Variants in ANO6 observed in about 807,000 individuals in gnomAD.
ANO6 encodes the protein anoctamin 6.
A neutral mutation model predicts 117.5 loss-of-function variants in ANO6; 106 were observed. The observed-to-expected ratio is 0.90, with a 90% CI of 0.77 to 1.06. ANO6 has a LOEUF of 1.06. Ranked by LOEUF, ANO6 falls within the 50% of genes least tolerant of loss-of-function variation. ANO6 has a pLI of 0.00. For missense variants in ANO6, 955 were observed against 1,121.1 expected (o/e 0.85, Z 2.12); for synonymous variants, 367 against 385.1 (o/e 0.95, Z 0.55).
intron 10 of ANO6, among the ~76,000 whole-genome samples, chr12:45,384,655 G>A (rs989795830): frequency 1.3e-5 from 2 of 152,120 alleles, no homozygotes; most frequent in Admixed American, 6.6e-5. Flanking sequence ...TAATTTTGCT[G>A]TCTTACATAG....
intron 8 of ANO6, among the ~76,000 whole-genome samples, chr12:45,364,738 T>C (rs529683291): frequency 6.6e-6 from 1 of 152,220 alleles, no homozygotes; most frequent in African/African-American, 2.4e-5. Context: ...CTGCTAAATA[T>C]AAAAAGACTT....
chr12:45,293,049 A>G (rs1191974872), intron 1 of ANO6: 2 of 1,427,152 alleles, frequency 1.4e-6, no homozygotes, highest in African/African-American at 2.9e-5. Flanking sequence ...TTTGGTCTTG[A>G]AGGGACACTG....
chr12:45,390,085 A>G (rs1486220997), intron 11 of ANO6, among the ~76,000 whole-genome samples: 1 of 152,360 alleles, frequency 6.6e-6, no homozygotes, highest in African/African-American at 2.4e-5. Context: ...GCTCTGCGCT[A>G]TCATCACAGC....
intron 8 of ANO6, among the ~76,000 whole-genome samples, chr12:45,367,405 T>G (rs1490351035): frequency 1.3e-4 from 20 of 152,206 alleles, no homozygotes; most frequent in Non-Finnish European, 2.5e-4. Context: ...TGTGGCCTTA[T>G]TTTACTTGAC....
At chr12:45,239,280 T>C (rs1176927497) in intron 1 of ANO6, among the ~76,000 whole-genome samples, 2 of 152,244 alleles carry the variant, frequency 1.3e-5, no homozygotes, top group African/African-American at 4.8e-5. Context: ...AAGTTGTATG[T>C]GTCCAGGAAT....
At chr12:45,225,735 C>T (rs1164957179) in intron 1 of ANO6, among the ~76,000 whole-genome samples, 6 of 152,128 alleles carry the variant, frequency 3.9e-5, no homozygotes, top group Non-Finnish European at 5.9e-5. Flanking sequence ...GTTATCCTCC[C>T]GCCTCGGCCT....
intron 1 of ANO6, among the ~76,000 whole-genome samples, chr12:45,237,012 C>A (rs141643698): frequency 9.9e-5 from 15 of 152,276 alleles, no homozygotes; most frequent in African/African-American, 3.4e-4. Context: ...TTTCTGTTGG[C>A]TGCATAAATG....
At chr12:45,280,235 A>T (rs551258109) in intron 1 of ANO6, among the ~76,000 whole-genome samples, 2 of 152,240 alleles carry the variant, frequency 1.3e-5, no homozygotes, top group South Asian at 4.2e-4. Context: ...CTCTTTTCTA[A>T]GTTGCTGCTT....
At chr12:45,402,517 G>A (rs181423085) in intron 13 of ANO6, among the ~76,000 whole-genome samples, 121 of 152,298 alleles carry the variant, frequency 7.9e-4, no homozygotes, top group Non-Finnish European at 1.3e-3. Context: ...TAGTGGCCAA[G>A]TTAAGTGCTT....
intron 10 of ANO6, among the ~76,000 whole-genome samples, chr12:45,380,503 T>A (rs1040972609): frequency 4.6e-5 from 7 of 152,244 alleles, no homozygotes; most frequent in African/African-American, 1.7e-4. Context: ...CTTTCAGACC[T>A]GTGCTGCTTC....
chr12:45,407,332 G>A (rs1942961231), intron 15 of ANO6, among the ~76,000 whole-genome samples: 1 of 152,186 alleles, frequency 6.6e-6, no homozygotes, highest in Non-Finnish European at 1.5e-5. Context: ...CTGCTTCTCT[G>A]AGGGCATGGA....
At chr12:45,356,054 C>T (rs1278185091) in intron 7 of ANO6, among the ~76,000 whole-genome samples, 6 of 152,222 alleles carry the variant, frequency 3.9e-5, no homozygotes, top group Admixed American at 2.0e-4. Flanking sequence ...TTCCTAAACT[C>T]TCTTTCTGCC....
chr12:45,355,588 G>A (rs1424563631), intron 7 of ANO6, among the ~76,000 whole-genome samples: 1 of 152,180 alleles, frequency 6.6e-6, no homozygotes, highest in East Asian at 1.9e-4. Context: ...CCCATGGCCA[G>A]ACTTCTCTCC....
chr12:45,277,648 TC>T (rs1470243909), intron 1 of ANO6, among the ~76,000 whole-genome samples: 1 of 152,194 alleles, frequency 6.6e-6, no homozygotes, highest in Admixed American at 6.5e-5. Context: ...AACTTGCGGG[TC>T]TGACAATGCT....
At chr12:45,337,688 TTTAG>T (rs1372363043) in intron 3 of ANO6, among the ~76,000 whole-genome samples, 1 of 151,942 alleles carries the variant, frequency 6.6e-6, no homozygotes, top group Non-Finnish European at 1.5e-5. Flanking sequence ...GATACAAAAT[TTTAG>T]TTAGATAAGA....
intron 1 of ANO6, among the ~76,000 whole-genome samples, chr12:45,285,409 T>TA (rs1336179398): frequency 6.6e-6 from 1 of 152,154 alleles, no homozygotes; most frequent in Non-Finnish European, 1.5e-5. Context: ...TCAAGCCCCT[T>TA]ATAAAAGTTA....
rs1943628019 is a variant in ANO6, at chr12:45,431,332, C to A, written c.*2021C>A. On this transcript the variant is annotated 3_prime_UTR_variant, in exon 20 of 20. Coordinates refer to ENST00000320560, the MANE Select transcript of ANO6 (RefSeq NM_001025356.3). ...GGGTGTCACTTCCTCTCTAGTACCTCTTCTCTTCTCTGAAGTGTGTGACTA... is the reference window on the plus strand; with the variant it reads ...GGGTGTCACTTCCTCTCTAGTACCTATTCTCTTCTCTGAAGTGTGTGACTA... 1 of 985,254 alleles carries A rather than the reference C, an allele frequency of 1.0e-6. No individual in the cohort carries two copies. The highest frequency in any genetic ancestry group is 6.1e-5 in the Admixed American group (1 of 16,262). 61.0% of individuals were successfully genotyped at this position (985,254 alleles called of 1,614,324 possible).
At chr12:45,348,776 A>G in intron 6 of ANO6, 145 bp downstream of exon 6, 1 of 717,792 alleles carries the variant, frequency 1.4e-6, no homozygotes, top group Non-Finnish European at 2.5e-6. Flanking sequence ...CATTTAGGGT[A>G]AGAACTAGGT....
downstream of ANO6, among the ~76,000 whole-genome samples, chr12:45,433,580 G>A (rs2137749396): frequency 1.3e-5 from 2 of 152,298 alleles, no homozygotes; most frequent in Middle Eastern, 6.8e-3. Context: ...GGGAACCTGT[G>A]GAGAACTTCA....
Sources: gnomAD v4.1 joint callset for allele counts (sites outside exome capture counted in the v4.1 genomes callset) on GRCh38, gnomAD v4.1.1 for gene constraint, MANE v1.5 for transcripts, NCBI Gene and HGNC (gene_info 2026-07-23, HGNC 2026-07-21) for gene names.